The following DLG2 variants were observed in gnomAD, a reference collection of about 807,000 sequenced individuals.
The protein encoded by DLG2 is disks large homolog 2.
In DLG2, 45 loss-of-function variants were observed where a neutral mutation model predicts 132.5. The observed-to-expected ratio is 0.34, with a 90% confidence interval of 0.27 to 0.44. The LOEUF is 0.44. Among genes scored for constraint, DLG2 ranks in the 20% least tolerant of loss-of-function variants. DLG2 has a pLI of 1.00. For synonymous variants in DLG2, 424 were observed against 419.6 expected (o/e 1.01, Z -0.13); for missense variants, 1,045 against 1,196.9 (o/e 0.87, Z 1.87).
At chr11:83,734,382 TC>T (rs2091559627) in intron 18 of DLG2, among the ~76,000 whole-genome samples, 1 of 146,376 alleles carries the variant, frequency 6.8e-6, no homozygotes, top group Non-Finnish European at 1.5e-5. Flanking sequence ...CTTCCTTCCT[TC>T]CTTCCTTCCT....
At chr11:84,357,099 G>T (rs1269237572) in intron 7 of DLG2, among the ~76,000 whole-genome samples, 2 of 151,998 alleles carry the variant, frequency 1.3e-5, no homozygotes, top group Admixed American at 6.6e-5. Context: ...TGAGGAATCA[G>T]ATTTTACCTG....
chr11:83,489,464 T>TCAAA (rs1404159414), intron 21 of DLG2, among the ~76,000 whole-genome samples: 15 of 152,060 alleles, frequency 9.9e-5, no homozygotes, highest in African/African-American at 2.9e-4. Flanking sequence ...TGATCTTGAT[T>TCAAA]CAAACAAACA....
At chr11:84,355,575 C>T (rs902712924) in intron 7 of DLG2, among the ~76,000 whole-genome samples, 3 of 152,038 alleles carry the variant, frequency 2.0e-5, no homozygotes, top group African/African-American at 7.2e-5. Flanking sequence ...GAGAGATAAA[C>T]TTTTGTTGTT....
chr11:84,041,507 A>C (rs2096078250), intron 11 of DLG2, among the ~76,000 whole-genome samples: 1 of 151,964 alleles, frequency 6.6e-6, no homozygotes, highest in South Asian at 2.1e-4. Flanking sequence ...AAAAAATGGC[A>C]TCTTGTACTT....
chr11:84,021,539 C>T (rs2095394369), intron 11 of DLG2, among the ~76,000 whole-genome samples: 1 of 152,082 alleles, frequency 6.6e-6, no homozygotes, highest in Non-Finnish European at 1.5e-5. Flanking sequence ...TAGGATACTC[C>T]TCTCTGATAT....
chr11:84,457,229 G>C (rs557132769), intron 7 of DLG2, among the ~76,000 whole-genome samples: 24 of 151,188 alleles, frequency 1.6e-4, no homozygotes, highest in African/African-American at 5.3e-4. Context: ...CATATAAAAA[G>C]TACTATCTCC....
chr11:84,798,808 A>T (rs965129029), intron 6 of DLG2, among the ~76,000 whole-genome samples: 16 of 152,068 alleles, frequency 1.1e-4, no homozygotes, highest in Admixed American at 2.6e-4. Context: ...CCAGGACTAC[A>T]TCCTTCCCTT....
At chr11:85,553,024 G>A (rs886078558) in intron 3 of DLG2, among the ~76,000 whole-genome samples, 4 of 151,770 alleles carry the variant, frequency 2.6e-5, no homozygotes, top group African/African-American at 9.6e-5. Flanking sequence ...TCAGAGAAAT[G>A]ATACATTGAA....
At chr11:85,538,179 C>G (rs1392021449) in intron 3 of DLG2, among the ~76,000 whole-genome samples, 1 of 151,818 alleles carries the variant, frequency 6.6e-6, no homozygotes, top group Non-Finnish European at 1.5e-5. Context: ...GGGTCCATGG[C>G]TTCATTCTTG....
intron 6 of DLG2, chr11:84,546,625 C>T: frequency 1.9e-6 from 1 of 521,236 alleles, no homozygotes; most frequent in South Asian, 1.6e-5. Flanking sequence ...TGTAGCATGG[C>T]ATTTAGGGCT....
intron 7 of DLG2, among the ~76,000 whole-genome samples, chr11:84,491,002 C>T (rs2099163621): frequency 6.6e-6 from 1 of 151,986 alleles, no homozygotes; most frequent in African/African-American, 2.4e-5. Context: ...GAGGTTAAGA[C>T]ATTTACCTAG....
intron 22 of DLG2, among the ~76,000 whole-genome samples, chr11:83,482,749 A>C (rs1361710839): frequency 6.6e-6 from 1 of 152,190 alleles, no homozygotes; most frequent in Non-Finnish European, 1.5e-5. Context: ...CTTTTAGAGA[A>C]TGCATGTTCC....
intron 3 of DLG2, among the ~76,000 whole-genome samples, chr11:85,574,845 C>T (rs188012755): frequency 6.6e-6 from 1 of 152,144 alleles, no homozygotes; most frequent in Non-Finnish European, 1.5e-5. Flanking sequence ...AAATAAACCT[C>T]TTTTCTTTAT....
intron 19 of DLG2, among the ~76,000 whole-genome samples, chr11:83,598,066 G>C (rs1194854117): frequency 2.6e-5 from 4 of 152,200 alleles, no homozygotes; most frequent in Admixed American, 6.5e-5. Context: ...GGACTAGGTT[G>C]CCTGGTTGAT....
At chr11:85,572,558 C>A (rs2077904546) in intron 3 of DLG2, among the ~76,000 whole-genome samples, 1 of 151,926 alleles carries the variant, frequency 6.6e-6, no homozygotes, top group South Asian at 2.1e-4. Context: ...CTATATTTTC[C>A]TCCTTGTCCC....
chr11:83,608,013 C>T (rs750152015), intron 19 of DLG2, among the ~76,000 whole-genome samples: 12 of 152,110 alleles, frequency 7.9e-5, no homozygotes, highest in Non-Finnish European at 1.5e-5. Context: ...GGACGTCTTA[C>T]GGGGTGTTAG....
At chr11:84,679,555 A>G (rs1379936732) in intron 6 of DLG2, among the ~76,000 whole-genome samples, 2 of 152,136 alleles carry the variant, frequency 1.3e-5, no homozygotes, top group Non-Finnish European at 2.9e-5. Context: ...TTACTTCAGG[A>G]AGAATCTCAA....
intron 21 of DLG2, among the ~76,000 whole-genome samples, chr11:83,531,863 A>T (rs1701084833): frequency 6.6e-6 from 1 of 152,118 alleles, no homozygotes; most frequent in South Asian, 2.1e-4. Context: ...ACACGTCTTG[A>T]AAACAATGTA....
intron 4 of DLG2, among the ~76,000 whole-genome samples, chr11:85,241,684 C>T (rs1463064945): frequency 6.6e-6 from 1 of 151,876 alleles, no homozygotes; most frequent in Admixed American, 6.6e-5. Flanking sequence ...TCAAGCTTTG[C>T]TAATAATTTC....
Sources: gnomAD v4.1 joint callset for allele counts (sites outside exome capture counted in the v4.1 genomes callset) on GRCh38, gnomAD v4.1.1 for gene constraint, MANE v1.5 for transcripts, NCBI Gene and HGNC (gene_info 2026-07-23, HGNC 2026-07-21) for gene names.